SLC12A6: variants seen among roughly 807,000 people sequenced by gnomAD.
SLC12A6 encodes K-Cl cotransporter 3.
In SLC12A6, 66 loss-of-function variants were observed where a neutral mutation model predicts 135.3. The observed-to-expected ratio is 0.49, with a 90% CI of 0.40 to 0.60. The LOEUF (loss-of-function observed/expected upper bound fraction) is 0.60. SLC12A6 is among the 20% of genes least tolerant of loss of function. SLC12A6 has a pLI of 0.00. For missense variants in SLC12A6, 1,058 were observed against 1,452.3 expected, an observed-to-expected ratio of 0.73 and a Z score of 4.41; for synonymous variants, 513 against 508.8, an observed-to-expected ratio of 1.01 and a Z score of -0.11.
intron 2 of SLC12A6, among the ~76,000 whole-genome samples, chr15:34,292,483 G>C (rs1372486307): frequency 6.6e-6 from 1 of 152,188 alleles, no homozygotes; most frequent in African/African-American, 2.4e-5. Context: ...TCCATTCTTA[G>C]AGCTCAAACA....
intron 2 of SLC12A6, among the ~76,000 whole-genome samples, chr15:34,327,247 T>C (rs1284261082): frequency 6.6e-6 from 1 of 152,202 alleles, no homozygotes; most frequent in Non-Finnish European, 1.5e-5. Flanking sequence ...CTATCAATTC[T>C]TAAAATTTCA....
intron 2 of SLC12A6, among the ~76,000 whole-genome samples, chr15:34,311,382 AAATG>A (rs1888245143): frequency 1.3e-5 from 2 of 152,202 alleles, no homozygotes; most frequent in Admixed American, 1.3e-4. Flanking sequence ...ATATTTAAAT[AAATG>A]AATGAATGGA....
At chr15:34,285,690 A>G (rs1037240152) in intron 2 of SLC12A6, among the ~76,000 whole-genome samples, 2 of 13,152 alleles carry the variant, frequency 1.5e-4, no homozygotes, top group African/African-American at 7.8e-4. Flanking sequence ...AAAATGTGCT[A>G]TATGTGTGTG....
At chr15:34,246,239 GT>G (rs142561604) in intron 13 of SLC12A6, among the ~76,000 whole-genome samples, 8,634 of 149,684 alleles carry the variant, frequency 0.058, 299 homozygotes, top group Non-Finnish European at 0.075. Flanking sequence ...AGCCCACCCA[GT>G]TTTTTTTTTC....
At chr15:34,301,321 T>C (rs2141015677) in intron 2 of SLC12A6, among the ~76,000 whole-genome samples, 1 of 152,154 alleles carries the variant, frequency 6.6e-6, no homozygotes, top group East Asian at 1.9e-4. Flanking sequence ...TCAGGATTAG[T>C]TTTAATAAAG....
chr15:34,320,461 T>C (rs1200178663), intron 2 of SLC12A6, among the ~76,000 whole-genome samples: 2 of 151,332 alleles, frequency 1.3e-5, no homozygotes, highest in Non-Finnish European at 1.5e-5. Flanking sequence ...ATATAGAAAG[T>C]AGAATGGTTG....
At chr15:34,278,343 C>T (rs1420119778) in intron 2 of SLC12A6, among the ~76,000 whole-genome samples, 1 of 151,864 alleles carries the variant, frequency 6.6e-6, no homozygotes, top group Non-Finnish European at 1.5e-5. Context: ...AGGAGGATGG[C>T]TTGAACCCAG....
chr15:34,247,278 G>A (rs771622529), intron 13 of SLC12A6, among the ~76,000 whole-genome samples: 60 of 152,290 alleles, frequency 3.9e-4, no homozygotes, highest in Admixed American at 8.5e-4. Context: ...AGCACTTTGG[G>A]AGGCCGAGGC....
chr15:34,240,351 T>C (rs1891559877), intron 19 of SLC12A6, among the ~76,000 whole-genome samples: 1 of 152,222 alleles, frequency 6.6e-6, no homozygotes, highest in Non-Finnish European at 1.5e-5. Flanking sequence ...ACCCTCTCCA[T>C]AGTTCAAGGG....
At chr15:34,242,602 C>A (rs918321312) in intron 16 of SLC12A6, among the ~76,000 whole-genome samples, 14 of 152,276 alleles carry the variant, frequency 9.2e-5, no homozygotes, top group African/African-American at 3.4e-4. Flanking sequence ...ACAATTAATA[C>A]TTACTTGGCA....
At chr15:34,295,096 C>A (rs570096963) in intron 2 of SLC12A6, among the ~76,000 whole-genome samples, 1 of 152,182 alleles carries the variant, frequency 6.6e-6, no homozygotes, top group African/African-American at 2.4e-5. Flanking sequence ...GACACCTAAA[C>A]GTTTTACCTG....
intron 2 of SLC12A6, among the ~76,000 whole-genome samples, chr15:34,305,359 C>T (rs941556563): frequency 6.6e-6 from 1 of 151,024 alleles, no homozygotes; most frequent in African/African-American, 2.4e-5. Flanking sequence ...TGTCCTGAAT[C>T]GATCCAATAG....
At chr15:34,324,131 A>G (rs926142290) in intron 2 of SLC12A6, among the ~76,000 whole-genome samples, 1 of 152,146 alleles carries the variant, frequency 6.6e-6, no homozygotes. Flanking sequence ...ACAAAAATTC[A>G]AACAAATATG....
At chr15:34,302,291 G>A (rs1227987849) in intron 2 of SLC12A6, among the ~76,000 whole-genome samples, 1 of 152,002 alleles carries the variant, frequency 6.6e-6, no homozygotes, top group South Asian at 2.1e-4. Context: ...GATACAAGAG[G>A]ACTGTACCTA....
chr15:34,261,778 T>C (rs1893151308), intron 3 of SLC12A6, among the ~76,000 whole-genome samples: 1 of 152,254 alleles, frequency 6.6e-6, no homozygotes, highest in Non-Finnish European at 1.5e-5. Context: ...GAAGTTTTGA[T>C]TTGCATTTCT....
intron 3 of SLC12A6, among the ~76,000 whole-genome samples, chr15:34,266,693 A>C (rs183793355): frequency 1.3e-5 from 2 of 152,264 alleles, no homozygotes; most frequent in Non-Finnish European, 2.9e-5. Flanking sequence ...CAACCTCCCA[A>C]AGTGCTGGGA....
At chr15:34,306,050 C>T (rs966832908) in intron 2 of SLC12A6, among the ~76,000 whole-genome samples, 4 of 151,336 alleles carry the variant, frequency 2.6e-5, no homozygotes, top group Admixed American at 6.6e-5. Flanking sequence ...CGTGAGCCAC[C>T]GTGCCCAGCC....
At chr15:34,238,635 G>C (rs904643518) in intron 20 of SLC12A6, 1 of 601,568 alleles carries the variant, frequency 1.7e-6, no homozygotes, top group Non-Finnish European at 2.9e-6. Context: ...ATTTCTAAGG[G>C]GGGATATGTG....
intron 3 of SLC12A6, among the ~76,000 whole-genome samples, chr15:34,265,012 C>T (rs966648007): frequency 2.2e-4 from 34 of 152,156 alleles, no homozygotes; most frequent in African/African-American, 7.7e-4. Flanking sequence ...CTGGCTAACA[C>T]GGTGAAACCC....
Sources: allele counts gnomAD v4.1 joint callset (sites outside exome capture counted in the v4.1 genomes callset), GRCh38; gene constraint gnomAD v4.1.1; transcripts MANE v1.5; gene names NCBI Gene and HGNC (gene_info 2026-07-23, HGNC 2026-07-21).